ELAPOR2: variants seen among roughly 807,000 people sequenced by gnomAD.
The protein encoded by ELAPOR2 is endosome/lysosome-associated apoptosis and autophagy regulator family member 2.
In ELAPOR2, 89 loss-of-function variants were observed where a neutral mutation model predicts 120.7. That is an observed-to-expected ratio of 0.74 (90% CI 0.62 to 0.88). The LOEUF (loss-of-function observed/expected upper bound fraction) is 0.88, where lower values mean the gene tolerates loss of function less well. Ranked by LOEUF, ELAPOR2 falls within the 40% of genes least tolerant of loss-of-function variation. ELAPOR2 has a pLI of 0.00. For synonymous variants in ELAPOR2, 444 were observed against 444.9 expected, an observed-to-expected ratio of 1.00 and a Z score of 0.03; for missense variants, 1,134 against 1,251.6, an observed-to-expected ratio of 0.91 and a Z score of 1.42.
intron 1 of ELAPOR2, among the ~76,000 whole-genome samples, chr7:87,008,224 C>T (rs1004156716): frequency 3.9e-5 from 6 of 152,230 alleles, no homozygotes; most frequent in Admixed American, 2.0e-4. Context: ...TCAATCTAAT[C>T]GTGAAGAAAC....
intron 1 of ELAPOR2, among the ~76,000 whole-genome samples, chr7:86,990,592 T>A (rs958493256): frequency 1.3e-5 from 2 of 152,166 alleles, no homozygotes; most frequent in African/African-American, 4.8e-5. Context: ...TTTCTTCACA[T>A]GAAGAAATGA....
chr7:87,008,021 T>C (rs1793541421), intron 1 of ELAPOR2, among the ~76,000 whole-genome samples: 1 of 152,196 alleles, frequency 6.6e-6, no homozygotes, highest in Non-Finnish European at 1.5e-5. Context: ...TATACAGTCT[T>C]ACTATATCAC....
chr7:86,947,310 C>T (rs1425698323), intron 3 of ELAPOR2, among the ~76,000 whole-genome samples: 3 of 152,080 alleles, frequency 2.0e-5, no homozygotes, highest in African/African-American at 7.2e-5. Context: ...AGGCGCTTTC[C>T]ACCTTAGGTA....
At chr7:86,981,432 A>T (rs879539086) in intron 1 of ELAPOR2, among the ~76,000 whole-genome samples, 1 of 152,046 alleles carries the variant, frequency 6.6e-6, no homozygotes, top group Non-Finnish European at 1.5e-5. Flanking sequence ...CACTAAACTG[A>T]TCTGTCTACT....
chr7:86,893,357 G>A (rs1788274113), intron 19 of ELAPOR2, among the ~76,000 whole-genome samples: 1 of 151,902 alleles, frequency 6.6e-6, no homozygotes, highest in Non-Finnish European at 1.5e-5. Flanking sequence ...GACATGGATT[G>A]ATGGATTGCC....
intron 1 of ELAPOR2, among the ~76,000 whole-genome samples, chr7:87,005,390 G>A (rs756477344): frequency 2.0e-5 from 3 of 151,742 alleles, no homozygotes; most frequent in African/African-American, 7.3e-5. Context: ...ACAATGTTGA[G>A]AGAAGAAAAT....
At chr7:86,994,096 A>G (rs1426328744) in intron 1 of ELAPOR2, among the ~76,000 whole-genome samples, 3 of 152,200 alleles carry the variant, frequency 2.0e-5, no homozygotes, top group South Asian at 2.1e-4. Flanking sequence ...ATTTAGTCTT[A>G]TATCTCTTTG....
rs114307555 is a variant in ELAPOR2, at chr7:86,916,937, C to T, written c.1593+1505G>A. On this transcript the variant is annotated intron_variant, in intron 12 of 21. Coordinates refer to ENST00000450689, the MANE Select transcript of ELAPOR2 (RefSeq NM_001142749.3). ...CAAAGTAGCTAGGATTAAAGGCATGCGCCATTGTGGCCAGCTAATTTTTTT... is the reference window on the plus strand; with the variant it reads ...CAAAGTAGCTAGGATTAAAGGCATGTGCCATTGTGGCCAGCTAATTTTTTT... 6.3e-3 allele frequency among the ~76,000 whole-genome samples: 917 copies of T among 146,478 alleles called. 10 individuals carry two copies. Among genetic ancestry groups the T allele is most frequent in the African/African-American group, 0.021 (836 of 39,380 alleles).
intron 21 of ELAPOR2, among the ~76,000 whole-genome samples, chr7:86,883,851 T>C (rs887898914): frequency 2.0e-5 from 3 of 152,170 alleles, no homozygotes; most frequent in African/African-American, 7.2e-5. Flanking sequence ...TCAAAATTCA[T>C]TAAATTGTAT....
At chr7:86,891,547 T>C (rs942125827) in intron 21 of ELAPOR2, 177 bp downstream of exon 21, 13 of 515,420 alleles carry the variant, frequency 2.5e-5, no homozygotes, top group African/African-American at 3.9e-5. Context: ...ACGAAAACAA[T>C]GCTGCAGTGA....
chr7:87,034,621 T>C (rs1055442824), intron 1 of ELAPOR2, among the ~76,000 whole-genome samples: 3 of 152,132 alleles, frequency 2.0e-5, no homozygotes, highest in Admixed American at 1.3e-4. Flanking sequence ...AGTTATTTCC[T>C]GCTATGCATT....
chr7:86,967,274 A>G (rs953686880), intron 1 of ELAPOR2, among the ~76,000 whole-genome samples: 2 of 152,160 alleles, frequency 1.3e-5, no homozygotes, highest in African/African-American at 4.8e-5. Flanking sequence ...AGCCTGGTCA[A>G]CATGGCGAAA....
rs1794957496 is a variant in ELAPOR2, at chr7:87,046,366, T to C, written c.189+12959A>G. ...TGGAAGAATATTGTTTAAATGTCCA[T>C]ACTGCCCAAAGCAATCTACAGATTT... On this transcript the variant is annotated intron_variant, in intron 1 of 21. Coordinates refer to ENST00000450689, the MANE Select transcript of ELAPOR2 (RefSeq NM_001142749.3). Among the ~76,000 whole-genome samples, 5 of 152,314 alleles carry C rather than the reference T, an allele frequency of 3.3e-5. No homozygotes were observed. The South Asian group carries it at 1.0e-3, about 32-fold the overall frequency.
At chr7:86,975,850 C>A (rs1792266828) in intron 1 of ELAPOR2, among the ~76,000 whole-genome samples, 2 of 152,196 alleles carry the variant, frequency 1.3e-5, no homozygotes, top group African/African-American at 2.4e-5. Context: ...TAGGGAGTTA[C>A]CGGGCTTCTT....
At chr7:86,897,705 C>G in intron 18 of ELAPOR2, 73 bp from the exon 19 acceptor site, 3 of 1,537,386 alleles carry the variant, frequency 2.0e-6, no homozygotes, top group Non-Finnish European at 2.7e-6. Context: ...CTAATCAACA[C>G]CAGAATACCT....
chr7:87,055,454 ATC>A (rs1795232126), intron 1 of ELAPOR2, among the ~76,000 whole-genome samples: 1 of 151,974 alleles, frequency 6.6e-6, no homozygotes, highest in Admixed American at 6.6e-5. Flanking sequence ...TGTCAGATTC[ATC>A]TCTCATTAAG....
rs1491093174 is a variant in ELAPOR2, at chr7:86,905,121, AGG to A, written c.2558+2547_2558+2548del. 2.5e-3 allele frequency among the ~76,000 whole-genome samples: 372 copies of A among 149,604 alleles called. 1 individual carries two copies. Among genetic ancestry groups the A allele is most frequent in the Middle Eastern group, 0.01 (3 of 292 alleles). On this transcript the variant is annotated intron_variant, in intron 18 of 21. Coordinates refer to ENST00000450689, the MANE Select transcript of ELAPOR2 (RefSeq NM_001142749.3). ...AAGGAAGGAAGGAAGGAAGGAAGGA[AGG>A]AAGGAAAGAAAGAAAAGAAAAGAAA... is the stretch of plus-strand genomic sequence containing the variant.
At chr7:86,920,515 C>T (rs1470102763) in intron 10 of ELAPOR2, among the ~76,000 whole-genome samples, 3 of 152,044 alleles carry the variant, frequency 2.0e-5, no homozygotes, top group Non-Finnish European at 2.9e-5. Flanking sequence ...AGAACAACTC[C>T]TAGTGTTCAG....
chr7:87,036,372 T>C (rs1794588278), intron 1 of ELAPOR2, among the ~76,000 whole-genome samples: 1 of 152,048 alleles, frequency 6.6e-6, no homozygotes, highest in Admixed American at 6.6e-5. Flanking sequence ...TAGTCCCAAC[T>C]ACTCGGGAGG....
Sources: allele counts gnomAD v4.1 joint callset (sites outside exome capture counted in the v4.1 genomes callset), GRCh38; gene constraint gnomAD v4.1.1; transcripts MANE v1.5; gene names NCBI Gene and HGNC (gene_info 2026-07-23, HGNC 2026-07-21).